Variants in GALNTL6 observed in about 807,000 individuals in gnomAD.
The protein encoded by GALNTL6 is polypeptide N-acetylgalactosaminyltransferase like 6, also known as polypeptide N-acetylgalactosaminyltransferase-like 6.
GALNTL6 carries 46 observed loss-of-function variants against 73.7 expected under a neutral mutation model. That is an observed-to-expected ratio of 0.62 (90% confidence interval 0.49 to 0.80). The LOEUF is 0.80. Ranked by LOEUF, GALNTL6 falls within the 30% of genes least tolerant of loss-of-function variation. GALNTL6 has a pLI of 0.00. For missense variants in GALNTL6, 604 were observed against 755.0 expected, an observed-to-expected ratio of 0.80 and a Z score of 2.34; for synonymous variants, 259 against 263.7, an observed-to-expected ratio of 0.98 and a Z score of 0.17.
chr4:172,393,790 A>C (rs1743752035), intron 5 of GALNTL6, among the ~76,000 whole-genome samples: 1 of 152,174 alleles, frequency 6.6e-6, no homozygotes, highest in Admixed American at 6.5e-5. Flanking sequence ...TAATGTCTTA[A>C]TAATTCAAAC....
chr4:172,291,613 C>G (rs551222196), intron 3 of GALNTL6, among the ~76,000 whole-genome samples: 1 of 151,980 alleles, frequency 6.6e-6, no homozygotes, highest in South Asian at 2.1e-4. Context: ...AATATGTTAT[C>G]TATAAGATTG....
At chr4:172,438,134 G>GC (rs1731702441) in intron 5 of GALNTL6, among the ~76,000 whole-genome samples, 1 of 151,974 alleles carries the variant, frequency 6.6e-6, no homozygotes, top group South Asian at 2.1e-4. Flanking sequence ...CATTGACAGT[G>GC]CTTTTGAGAA....
At chr4:172,937,079 C>T (rs142414718) in intron 9 of GALNTL6, among the ~76,000 whole-genome samples, 38 of 151,862 alleles carry the variant, frequency 2.5e-4, no homozygotes, top group South Asian at 4.2e-4. Context: ...GGAGGGTGTG[C>T]GTAGGACCTG....
chr4:173,003,947 T>C (rs1334302910), intron 10 of GALNTL6, among the ~76,000 whole-genome samples: 1 of 152,194 alleles, frequency 6.6e-6, no homozygotes, highest in Non-Finnish European at 1.5e-5. Flanking sequence ...TGTGGGCTCC[T>C]TGAGAACAGA....
chr4:172,624,829 A>G (rs1471194247), intron 5 of GALNTL6, among the ~76,000 whole-genome samples: 4 of 144,454 alleles, frequency 2.8e-5, no homozygotes. Context: ...CTTTTATTTT[A>G]TATTCAGTGA....
At chr4:172,222,633 C>T (rs898131951) in intron 2 of GALNTL6, among the ~76,000 whole-genome samples, 7 of 151,964 alleles carry the variant, frequency 4.6e-5, no homozygotes, top group South Asian at 4.1e-4. Flanking sequence ...ACTCTCTCTA[C>T]GAGCCTGTGT....
intron 6 of GALNTL6, among the ~76,000 whole-genome samples, 166 bp from the exon 7 acceptor site, chr4:172,813,374 A>C (rs917875885): frequency 6.6e-6 from 1 of 152,154 alleles, no homozygotes; most frequent in Non-Finnish European, 1.5e-5. Context: ...GTCCCATCAC[A>C]TTAAGTCCAG....
At chr4:172,551,691 G>A (rs572919398) in intron 5 of GALNTL6, among the ~76,000 whole-genome samples, 155 of 152,248 alleles carry the variant, frequency 1.0e-3, no homozygotes, top group African/African-American at 3.6e-3. Flanking sequence ...TAGGAGGAAT[G>A]CTATTGTTTG....
chr4:171,980,023 A>C (rs1310248471), intron 2 of GALNTL6, among the ~76,000 whole-genome samples: 1 of 152,200 alleles, frequency 6.6e-6, no homozygotes, highest in African/African-American at 2.4e-5. Context: ...GCAAGTAAAT[A>C]ATTAGTTGCT....
chr4:172,293,908 T>C (rs1412292781), intron 3 of GALNTL6, among the ~76,000 whole-genome samples: 1 of 151,428 alleles, frequency 6.6e-6, no homozygotes, highest in Non-Finnish European at 1.5e-5. Context: ...TTAGGGTGCA[T>C]GTGCAAACTT....
At chr4:171,881,109 C>A (rs1355490127) in intron 2 of GALNTL6, among the ~76,000 whole-genome samples, 2 of 152,060 alleles carry the variant, frequency 1.3e-5, no homozygotes, top group African/African-American at 4.8e-5. Flanking sequence ...TCATTCCTCA[C>A]TGATGCCCCT....
At chr4:172,833,379 T>C (rs1724167076) in intron 7 of GALNTL6, among the ~76,000 whole-genome samples, 1 of 152,140 alleles carries the variant, frequency 6.6e-6, no homozygotes, top group African/African-American at 2.4e-5. Flanking sequence ...AAAGAGCCCT[T>C]AAGTTGAAGA....
intron 2 of GALNTL6, among the ~76,000 whole-genome samples, chr4:172,066,058 T>C (rs1731352573): frequency 6.6e-6 from 1 of 152,168 alleles, no homozygotes; most frequent in Non-Finnish European, 1.5e-5. Flanking sequence ...CCCCACAAGA[T>C]ACATTTGTTA....
chr4:172,147,451 G>A (rs192886831), intron 2 of GALNTL6, among the ~76,000 whole-genome samples: 93 of 152,326 alleles, frequency 6.1e-4, no homozygotes, highest in Non-Finnish European at 1.1e-3. Context: ...GTTCATCCTC[G>A]ATGTGTGCGG....
intron 2 of GALNTL6, among the ~76,000 whole-genome samples, chr4:172,028,953 G>A (rs996367993): frequency 3.3e-5 from 5 of 151,898 alleles, no homozygotes; most frequent in Non-Finnish European, 5.9e-5. Context: ...CAGATTCAAA[G>A]TCTAAAAGAA....
At chr4:172,165,556 C>T (rs1043357138) in intron 2 of GALNTL6, among the ~76,000 whole-genome samples, 1 of 152,068 alleles carries the variant, frequency 6.6e-6, no homozygotes, top group Non-Finnish European at 1.5e-5. Flanking sequence ...AATATATTTC[C>T]TTTACAAACA....
chr4:172,376,728 G>A (rs1041722032), intron 5 of GALNTL6, among the ~76,000 whole-genome samples: 6 of 152,186 alleles, frequency 3.9e-5, no homozygotes, highest in Non-Finnish European at 8.8e-5. Context: ...TTGTCTCACC[G>A]CTTGGCGATA....
intron 5 of GALNTL6, among the ~76,000 whole-genome samples, chr4:172,798,780 G>T (rs935847524): frequency 2.0e-5 from 3 of 152,142 alleles, no homozygotes; most frequent in Non-Finnish European, 4.4e-5. Flanking sequence ...ATAAGAAGGT[G>T]GTGAAGTAGT....
chr4:171,957,945 G>A (rs1739101650), intron 2 of GALNTL6, among the ~76,000 whole-genome samples: 1 of 152,132 alleles, frequency 6.6e-6, no homozygotes, highest in Non-Finnish European at 1.5e-5. Flanking sequence ...GTGATAACTG[G>A]GGATCAATGG....
Sources: allele counts gnomAD v4.1 joint callset (sites outside exome capture counted in the v4.1 genomes callset), GRCh38; gene constraint gnomAD v4.1.1; transcripts MANE v1.5; gene names NCBI Gene and HGNC (gene_info 2026-07-23, HGNC 2026-07-21).